ADCY9: variants seen among roughly 807,000 people sequenced by gnomAD.
ADCY9 encodes adenylate cyclase 9.
A neutral mutation model predicts 101.5 loss-of-function variants in ADCY9; 50 were observed. That is an observed-to-expected ratio of 0.49 (90% CI 0.39 to 0.62). The LOEUF (loss-of-function observed/expected upper bound fraction) is 0.62, where lower values mean the gene tolerates loss of function less well. Ranked by LOEUF, ADCY9 falls within the 20% of genes least tolerant of loss-of-function variation. The pLI is 0.00. For missense variants in ADCY9, 1,662 were observed against 1,800.4 expected (o/e 0.92, Z 1.39); for synonymous variants, 905 against 769.3 (o/e 1.18, Z -2.92).
At chr16:4,055,205 T>C (rs545903087) in intron 2 of ADCY9, among the ~76,000 whole-genome samples, 19 of 152,176 alleles carry the variant, frequency 1.2e-4, no homozygotes, top group African/African-American at 4.1e-4. Context: ...GCCAGCTCTA[T>C]TCAGCAGATT....
intron 3 of ADCY9, among the ~76,000 whole-genome samples, chr16:4,000,042 G>A (rs923356194): frequency 7.2e-5 from 11 of 152,162 alleles, no homozygotes; most frequent in African/African-American, 9.7e-5. Context: ...TGCCTGCTTC[G>A]TCTTCTCAAC....
downstream of ADCY9, among the ~76,000 whole-genome samples, chr16:3,960,052 A>G (rs2531996): frequency 0.73 from 110,580 of 151,928 alleles, 40,651 homozygotes; most frequent in South Asian, 0.8. Context: ...TAAAATAAAA[A>G]CGCATGTAAC....
intron 2 of ADCY9, among the ~76,000 whole-genome samples, chr16:4,076,386 G>A (rs1374728251): frequency 1.3e-5 from 2 of 152,176 alleles, no homozygotes; most frequent in Admixed American, 1.3e-4. Flanking sequence ...CAAAATAAGA[G>A]ATTTAGATTT....
chr16:4,071,525 A>G (rs1245173460), intron 2 of ADCY9, among the ~76,000 whole-genome samples: 5 of 152,242 alleles, frequency 3.3e-5, no homozygotes, highest in Admixed American at 2.0e-4. Context: ...CCAAGTATAA[A>G]GCAACTAAAA....
At chr16:4,061,661 A>G (rs553275426) in intron 2 of ADCY9, among the ~76,000 whole-genome samples, 4 of 152,218 alleles carry the variant, frequency 2.6e-5, no homozygotes, top group Non-Finnish European at 5.9e-5. Context: ...ATTCCTAGAT[A>G]AACAAAGACA....
At chr16:4,086,099 G>C (rs923338200) in intron 2 of ADCY9, among the ~76,000 whole-genome samples, 1 of 152,020 alleles carries the variant, frequency 6.6e-6, no homozygotes, top group Admixed American at 6.6e-5. Context: ...CCAAGGGGCA[G>C]AAGGATGCTG....
In ADCY9 at chr16:4,114,325, G is replaced by A. The variant is rs1487646686; in HGVS notation, c.1118C>T (p.Ser373Phe). The change falls in exon 2 of 11, where the codon TCT becomes TTT. Residue 373 changes from serine (S) to phenylalanine (F), a missense_variant. Coordinates refer to ENST00000294016, the MANE Select transcript of ADCY9 (RefSeq NM_001116.4). The surrounding 1 kb of genome is among the most constrained non-coding windows in gnomAD (Gnocchi z 4.3). ...GGCTATAGGAGCTTTTTGGATGGAA[G>A]ACTTTTTCTTCCTGTTCTTGGGGCT... ...TSSPKNRKKK[S>F]SIQKAPIAFR... 1 of 1,613,856 alleles carries A rather than the reference G, an allele frequency of 6.2e-7. No homozygotes were observed. Among genetic ancestry groups the A allele is most frequent in the Non-Finnish European group, 8.5e-7 (1 of 1,180,042 alleles).
intron 2 of ADCY9, among the ~76,000 whole-genome samples, chr16:4,069,688 C>T (rs1567136268): frequency 1.3e-5 from 2 of 151,980 alleles, no homozygotes; most frequent in Non-Finnish European, 2.9e-5. Context: ...TCTTCTAAGG[C>T]GACTCTCCCA....
intron 2 of ADCY9, among the ~76,000 whole-genome samples, chr16:4,090,598 G>A (rs1187794204): frequency 1.3e-5 from 2 of 152,008 alleles, no homozygotes; most frequent in Non-Finnish European, 2.9e-5. Context: ...GGCACGAGAC[G>A]CTCAGGGCTC....
chr16:3,958,980 T>C (rs1234395975), downstream of ADCY9, among the ~76,000 whole-genome samples: 1 of 152,168 alleles, frequency 6.6e-6, no homozygotes, highest in African/African-American at 2.4e-5. Context: ...CTGCCTCGGT[T>C]GCTTTTTATT....
At chr16:4,111,881 C>A (rs1417546193) in intron 2 of ADCY9, among the ~76,000 whole-genome samples, 3 of 149,406 alleles carry the variant, frequency 2.0e-5, no homozygotes, top group African/African-American at 7.3e-5. Flanking sequence ...GTCTGAGACC[C>A]CTGATCTACA....
chr16:4,004,704 A>G (rs1378442993), intron 3 of ADCY9, among the ~76,000 whole-genome samples: 1 of 152,262 alleles, frequency 6.6e-6, no homozygotes, highest in Non-Finnish European at 1.5e-5. Flanking sequence ...GAAGACGCAT[A>G]AGAAACAAAG....
At chr16:4,090,538 G>A (rs893618548) in intron 2 of ADCY9, among the ~76,000 whole-genome samples, 2 of 151,998 alleles carry the variant, frequency 1.3e-5, no homozygotes, top group Admixed American at 6.6e-5. Flanking sequence ...CGTGGAAACC[G>A]TCCCACCTCC....
chr16:4,051,922 C>T (rs181625943), intron 2 of ADCY9, among the ~76,000 whole-genome samples: 33 of 152,298 alleles, frequency 2.2e-4, no homozygotes, highest in African/African-American at 7.2e-4. Flanking sequence ...AAAATCTCCC[C>T]ACCAGAAACA....
Position 4,097,553 on chromosome 16 carries a change from A to ATATT in ADCY9, c.1693+16196_1693+16197insAATA, listed in dbSNP as rs1382458827. Among the ~76,000 whole-genome samples the ATATT allele has an allele frequency of 1.6e-3, 88 of 53,396 alleles. 1 individual carries two copies. The highest frequency in any genetic ancestry group is 5.3e-3 in the East Asian group (7 of 1,316). 35.0% of individuals were successfully genotyped at this position (53,396 alleles called of 152,430 possible). ...CATATATATATATATATATATATAT[A>ATATT]TTTTTTTTTTTTTTTTTTAAGACAG... On this transcript the variant is annotated intron_variant, in intron 2 of 10. Transcript: ENST00000294016.
intron 3 of ADCY9, among the ~76,000 whole-genome samples, chr16:3,996,646 C>T (rs1404343202): frequency 1.3e-5 from 2 of 152,104 alleles, no homozygotes; most frequent in East Asian, 1.9e-4. Flanking sequence ...AGTGCAAGTG[C>T]GTGCTCAGTA....
rs538208413 is a variant in ADCY9, at chr16:3,985,564, T to C, written c.2311-2124A>G. Among the ~76,000 whole-genome samples, 68 of 152,290 alleles carry C rather than the reference T, an allele frequency of 4.5e-4. 2 individuals are homozygous for C. The South Asian group carries it at 8.3e-3, about 19-fold the overall frequency. On this transcript the variant is annotated intron_variant, in intron 6 of 10. Transcript: ENST00000294016. ...TTCGAGTCAGGGCCGGGTGCATGCA[T>C]GTGATGTCCCTGAGACATCACTGCC...
intron 2 of ADCY9, among the ~76,000 whole-genome samples, chr16:4,033,473 C>T (rs563848288): frequency 2.7e-5 from 4 of 145,882 alleles, no homozygotes; most frequent in African/African-American, 1.1e-4. Flanking sequence ...CTTGCTCTGT[C>T]GCCAGGCCAG....
At chr16:4,086,264 CG>C (rs1292151537) in intron 2 of ADCY9, among the ~76,000 whole-genome samples, 3 of 152,016 alleles carry the variant, frequency 2.0e-5, no homozygotes, top group African/African-American at 7.2e-5. Context: ...ACAGGGAAAC[CG>C]CCTCTCCGGT....
Sources: allele counts gnomAD v4.1 joint callset (sites outside exome capture counted in the v4.1 genomes callset), GRCh38; gene constraint gnomAD v4.1.1; non-coding constraint Gnocchi (gnomAD v3.1); transcripts MANE v1.5; gene names NCBI Gene and HGNC (gene_info 2026-07-23, HGNC 2026-07-21).